The following SLC15A3 variants were observed in gnomAD, a reference collection of about 807,000 sequenced individuals.
SLC15A3 encodes solute carrier family 15 member 3, also known as osteoclast transporter.
A neutral mutation model predicts 49.2 loss-of-function variants in SLC15A3; 39 were observed. That is an observed-to-expected ratio of 0.79 (90% CI 0.61 to 1.04). SLC15A3 has a LOEUF of 1.04. Ranked by LOEUF, SLC15A3 falls within the 50% of genes least tolerant of loss-of-function variation. SLC15A3 has a pLI of 0.00. For synonymous variants in SLC15A3, 339 were observed against 367.0 expected (o/e 0.92, Z 0.87); for missense variants, 758 against 794.8 (o/e 0.95, Z 0.56).
chr11:60,942,198 C>A, intron 3 of SLC15A3, 53 bp from the exon 4 acceptor site: 2 of 1,487,948 alleles, frequency 1.3e-6, no homozygotes, highest in South Asian at 1.1e-5. Context: ...TGCCCCCTCC[C>A]AACTCCTAGG....
chr11:60,942,159 CA>C lies in SLC15A3; in HGVS notation c.997-15del. 2 of 1,611,200 alleles carry C rather than the reference CA, an allele frequency of 1.2e-6. No homozygotes were observed. Among genetic ancestry groups the C allele is most frequent in the Non-Finnish European group, 1.7e-6 (2 of 1,177,532 alleles). ...GGTGGACTGCATCTGCCAAGAGAGA[CA>C]GGGGTGAGGCTGGAACAGAAACGGC... On this transcript the variant is annotated splice_polypyrimidine_tract_variant and intron_variant, in intron 3 of 7. Transcript: ENST00000227880.
Position 60,937,564 on chromosome 11 carries a change from C to T in SLC15A3, c.1592-191G>A, listed in dbSNP as rs569952566. 237 of 790,810 alleles carry T rather than the reference C, an allele frequency of 3.0e-4. 1 individual carries two copies. In the African/African-American group the frequency reaches 3.8e-3, roughly 13 times the overall value. The allele number at this position is 790,810 out of a possible 1,614,324, so 49.0% of individuals were successfully genotyped here. On this transcript the variant is annotated intron_variant, in intron 7 of 7. Coordinates refer to ENST00000227880, the MANE Select transcript of SLC15A3 (RefSeq NM_016582.3). ...TCCAGGGGTGTCTACAATTCCTCTT[C>T]AGCTATTCAGAAGGGGGCGTGAAAT...
chr11:60,950,931 G>C lies in SLC15A3; in HGVS notation c.558+63C>G, dbSNP rs887534350. 9 of 1,372,908 alleles carry C rather than the reference G, an allele frequency of 6.6e-6. No individual in the cohort carries two copies. The African/African-American group carries it at 1.1e-4, about 16-fold the overall frequency. The allele number at this position is 1,372,908 out of a possible 1,614,324, so 85.0% of individuals were successfully genotyped here. A position where few individuals can be genotyped will look rare whatever the true frequency, so the allele number is the denominator to read the frequency against. The stretch of plus-strand genomic sequence containing the variant: ...CCTGGTTTGTCCCAGGTCACGCTGG[G>C]GGCCAGCCCTCCTTCCCTCCACACC... On this transcript the variant is annotated intron_variant, in intron 1 of 7. Transcript: ENST00000227880.
Position 60,941,893 on chromosome 11 carries a change from A to G in SLC15A3, c.1107+142T>C. 3 of 790,194 alleles carry G rather than the reference A, an allele frequency of 3.8e-6. No homozygotes were observed. The Middle Eastern group carries it at 7.2e-4, about 190-fold the overall frequency. 48.9% of individuals were successfully genotyped at this position (790,194 alleles called of 1,614,324 possible). A position where few individuals can be genotyped will look rare whatever the true frequency, so the allele number is the denominator to read the frequency against. On this transcript the variant is annotated intron_variant, in intron 4 of 7. Transcript: ENST00000227880. ...CCTGCGCTGTGACACAAGTCCTCCCACCCTCCAGGTGCTTTTCCTGTATCC... is the reference window on the plus strand; with the variant it reads ...CCTGCGCTGTGACACAAGTCCTCCCGCCCTCCAGGTGCTTTTCCTGTATCC...
rs190529142 is a variant in SLC15A3 at position 60,951,877 on chromosome 11, C to G, written c.-326G>C. On this transcript the variant is annotated 5_prime_UTR_variant, in exon 1 of 8. Coordinates refer to ENST00000227880, the MANE Select transcript of SLC15A3 (RefSeq NM_016582.3). ...CTCCCCTCTCCTCCCTCCACCTTGA[C>G]CCTTCCTCGCACTCTTGTTCACACT... 239 of 148,208 alleles carry G rather than the reference C, an allele frequency of 1.6e-3. 1 individual carries two copies. Among genetic ancestry groups the G allele is most frequent in the African/African-American group, 5.8e-3 (234 of 40,470 alleles). The allele number at this position is 148,208 out of a possible 1,614,324, so 9.2% of individuals were successfully genotyped here. A position where few individuals can be genotyped will look rare whatever the true frequency, so the allele number is the denominator to read the frequency against.
At position 60,941,139 on chromosome 11, in the gene SLC15A3, G is replaced by A. The variant is rs201776822; in HGVS notation, c.1259C>T (p.Thr420Ile). 7.7e-5 allele frequency: 125 copies of A among 1,613,366 alleles called. No homozygotes were observed. The highest frequency in any genetic ancestry group is 1.0e-4 in the Non-Finnish European group (121 of 1,179,688). Residue 420 changes from threonine to isoleucine, a missense_variant, in exon 5 of 8, where the codon ACC becomes ATC. This residue lies in a region of SLC15A3 where 699 missense variants were observed against 706.7 expected (regional missense o/e 0.99). Transcript: ENST00000227880. ...CTGCACACCTGCCACAATGACGGAG[G>A]TAAAACCAAAGAACATCCCCAGCGC... ...KMALGMFFGF[T>I]SVIVAGVLEM...
chr11:60,949,714 A>C (rs903107207), intron 1 of SLC15A3, among the ~76,000 whole-genome samples: 5 of 152,224 alleles, frequency 3.3e-5, no homozygotes, highest in Non-Finnish European at 7.3e-5. Context: ...GATCCTTTTG[A>C]AAAATGTCCC....
chr11:60,938,719 T>C (rs1856663731), intron 6 of SLC15A3, among the ~76,000 whole-genome samples: 2 of 152,170 alleles, frequency 1.3e-5, no homozygotes, highest in Non-Finnish European at 2.9e-5. Context: ...CCTTTGCTTA[T>C]GCTGTTCCCT....
chr11:60,948,771 G>A (rs1435398642), intron 1 of SLC15A3, among the ~76,000 whole-genome samples: 2 of 152,176 alleles, frequency 1.3e-5, no homozygotes, highest in East Asian at 1.9e-4. Flanking sequence ...CCCAGCCAAG[G>A]GGAGAACGTA....
intron 4 of SLC15A3, chr11:60,941,741 G>A (rs1856711254): frequency 5.1e-6 from 2 of 390,654 alleles, no homozygotes; most frequent in Non-Finnish European, 9.4e-6. Flanking sequence ...AGGAAGAGTT[G>A]AAAAGGGACC....
chr11:60,951,040 G>A lies in SLC15A3; in HGVS notation c.512C>T (p.Ala171Val), dbSNP rs1283375096. ...LYAGLLLLGLAASSVRSNLTS... is the reference protein window; with the variant it reads ...LYAGLLLLGLVASSVRSNLTS... ...GAGGTTGCTCCGGACGGAGCTGGCG[G>A]CCAGGCCGAGTAGCAGCAGGCCCGC... Residue 171 changes from alanine to valine, a missense_variant, in exon 1 of 8, where the codon GCC becomes GTC. By Grantham distance (64) the Ala-to-Val change is moderately conservative (BLOSUM62 0). Coordinates refer to ENST00000227880, the MANE Select transcript of SLC15A3 (RefSeq NM_016582.3). 1 of 1,497,310 alleles carries A rather than the reference G, an allele frequency of 6.7e-7. No homozygotes were observed. The allele number at this position is 1,497,310 out of a possible 1,614,324, so 92.8% of individuals were successfully genotyped here. A position where few individuals can be genotyped will look rare whatever the true frequency, so the allele number is the denominator to read the frequency against.
At chr11:60,950,617 TAA>T (rs11417679) in intron 1 of SLC15A3, among the ~76,000 whole-genome samples, 44 of 146,250 alleles carry the variant, frequency 3.0e-4, no homozygotes, top group Non-Finnish European at 4.1e-4. Flanking sequence ...CACCTCTACT[TAA>T]AAAAAAAAAA....
At chr11:60,942,208 G>A in intron 3 of SLC15A3, 63 bp from the exon 4 acceptor site, 1 of 1,418,472 alleles carries the variant, frequency 7.0e-7, no homozygotes, top group South Asian at 1.2e-5. Flanking sequence ...CAACTCCTAG[G>A]TGGCATTCCT....
Position 60,937,383 on chromosome 11 carries a change from G to C in SLC15A3, c.1592-10C>G. On this transcript the variant is annotated splice_polypyrimidine_tract_variant and intron_variant, in intron 7 of 7. Coordinates refer to ENST00000227880, the MANE Select transcript of SLC15A3 (RefSeq NM_016582.3). ...CAATTGTTGATGTTCCCTGGGGAAAGGAGGGGTTAGATTTGGGTCAGGACA... is the reference window on the plus strand; with the variant it reads ...CAATTGTTGATGTTCCCTGGGGAAACGAGGGGTTAGATTTGGGTCAGGACA... 6.2e-7 allele frequency: 1 copy of C among 1,614,046 alleles called. No homozygotes were observed. Among genetic ancestry groups the C allele is most frequent in the Non-Finnish European group, 8.5e-7 (1 of 1,179,992 alleles).
chr11:60,938,897 C>T (rs1319447538), intron 6 of SLC15A3, among the ~76,000 whole-genome samples: 4 of 152,202 alleles, frequency 2.6e-5, no homozygotes. Context: ...TTCTTTATGT[C>T]TGACCCAGCC....
In SLC15A3 at chr11:60,942,226, G is replaced by A. The variant is rs372161175; in HGVS notation, c.997-81C>T. 1,074 of 1,171,510 alleles carry A rather than the reference G, an allele frequency of 9.2e-4. 8 individuals are homozygous for A. The South Asian group carries it at 0.011, about 12-fold the overall frequency. The allele number at this position is 1,171,510 out of a possible 1,614,324, so 72.6% of individuals were successfully genotyped here. A position where few individuals can be genotyped will look rare whatever the true frequency, so the allele number is the denominator to read the frequency against. ...CTCCTAGGTGGCATTCCTCAGCGCC[G>A]TACCACAGGACAGCTGGGCAGCTGT... is the stretch of plus-strand genomic sequence containing the variant. On this transcript the variant is annotated intron_variant, in intron 3 of 7. Transcript: ENST00000227880.
In SLC15A3 at chr11:60,951,438, C is replaced by T. The variant is rs1324387222; in HGVS notation, c.114G>A (p.Val38=). The T allele has an allele frequency of 2.1e-6, 3 of 1,459,348 alleles. No individual in the cohort carries two copies. The highest frequency in any genetic ancestry group is 2.7e-6 in the Non-Finnish European group (3 of 1,103,238). 90.4% of individuals were successfully genotyped at this position (1,459,348 alleles called of 1,614,324 possible). A position where few individuals can be genotyped will look rare whatever the true frequency, so the allele number is the denominator to read the frequency against. ...RRWRRAAGAA[V]LLVEMLERAA... ...CGCGCTCCAGCATCTCCACCAGCAG[C>T]ACGGCCGCGCCCGCCGCCCGCCGCC... Residue 38 remains valine, a synonymous_variant, in exon 1 of 8, where the codon GTG becomes GTA. Transcript: ENST00000227880.
At chr11:60,939,458 C>T in intron 6 of SLC15A3, 22 bp downstream of exon 6, 1 of 1,612,122 alleles carries the variant, frequency 6.2e-7, no homozygotes, top group African/African-American at 1.3e-5. Context: ...GGTGCAGGAG[C>T]AGGGGAGGGG....
intron 7 of SLC15A3, 133 bp downstream of exon 7, chr11:60,937,737 G>C (rs961574207): frequency 1.6e-6 from 2 of 1,242,914 alleles, no homozygotes; most frequent in Non-Finnish European, 2.2e-6. Flanking sequence ...GCCAAGCCCG[G>C]GCTAGAACCC....
Sources: gnomAD v4.1 joint callset for allele counts (sites outside exome capture counted in the v4.1 genomes callset) on GRCh38, gnomAD v4.1.1 for gene constraint, gnomAD v4.1.1 regional missense constraint, MANE v1.5 for transcripts, NCBI Gene and HGNC (gene_info 2026-07-23, HGNC 2026-07-21) for gene names.